The following SLC36A2 variants were observed in gnomAD, a reference collection of about 807,000 sequenced individuals.
SLC36A2 encodes the protein proton-coupled amino acid transporter 2.
In SLC36A2, 39 loss-of-function variants were observed where a neutral mutation model predicts 42.7. That is an observed-to-expected ratio of 0.91 (90% CI 0.71 to 1.19). The LOEUF is 1.19. Among genes scored for constraint, SLC36A2 ranks in the 50% most tolerant of loss-of-function variants. The probability of loss-of-function intolerance (pLI) is 0.00; values close to 1 mark genes in which losing one functional copy is unlikely to be tolerated. For missense variants in SLC36A2, 590 were observed against 613.7 expected (o/e 0.96, Z 0.41); for synonymous variants, 237 against 240.8 (o/e 0.98, Z 0.15).
chr5:151,321,651 T>C (rs1340564148), intron 9 of SLC36A2, among the ~76,000 whole-genome samples: 2 of 151,646 alleles, frequency 1.3e-5, no homozygotes, highest in Non-Finnish European at 1.5e-5. Flanking sequence ...ATGCTGATTG[T>C]CATGACTGCC....
intron 5 of SLC36A2, among the ~76,000 whole-genome samples, chr5:151,335,942 C>T (rs941655360): frequency 6.6e-6 from 1 of 151,312 alleles, no homozygotes; most frequent in Non-Finnish European, 1.5e-5. Context: ...GCACAAGAAT[C>T]GCTTGAGCCA....
chr5:151,334,542 T>C (rs1240191675), intron 6 of SLC36A2, among the ~76,000 whole-genome samples: 2 of 151,956 alleles, frequency 1.3e-5, no homozygotes, highest in Non-Finnish European at 2.9e-5. Context: ...AATACAAAAA[T>C]TAGCCGGGTG....
At chr5:151,345,512 C>G (rs926207934) in intron 1 of SLC36A2, among the ~76,000 whole-genome samples, 1 of 152,118 alleles carries the variant, frequency 6.6e-6, no homozygotes, top group African/African-American at 2.4e-5. Flanking sequence ...TCCTGAGTCT[C>G]TGTACATAGA....
intron 7 of SLC36A2, among the ~76,000 whole-genome samples, chr5:151,332,073 G>C (rs559851940): frequency 1.8e-4 from 27 of 152,140 alleles, no homozygotes; most frequent in African/African-American, 5.5e-4. Context: ...CACTATGTTA[G>C]CCAGACTGGT....
chr5:151,319,190 A>G, intron 9 of SLC36A2: 1 of 923,050 alleles, frequency 1.1e-6, no homozygotes, highest in Non-Finnish European at 1.3e-6. Context: ...CTATTACTCC[A>G]AGTTATTTAC....
chr5:151,315,722 T>A lies in SLC36A2; in HGVS notation c.*1095A>T, dbSNP rs1212892172. On this transcript the variant is annotated 3_prime_UTR_variant, in exon 10 of 10. Transcript: ENST00000335244. ...TCTTTTCATAGGAGCAGGTGCAAAG[T>A]CACATTATCACGAGGAATTTATGGT... 1 of 152,154 alleles carries A rather than the reference T, an allele frequency of 6.6e-6. No individual in the cohort carries two copies. Among genetic ancestry groups the A allele is most frequent in the East Asian group, 1.9e-4 (1 of 5,198 alleles). 9.4% of individuals were successfully genotyped at this position (152,154 alleles called of 1,614,324 possible).
intron 7 of SLC36A2, among the ~76,000 whole-genome samples, chr5:151,329,751 C>T (rs1385334362): frequency 6.6e-6 from 1 of 152,092 alleles, no homozygotes; most frequent in African/African-American, 2.4e-5. Flanking sequence ...ATCTGAACAA[C>T]AAAGAGCAAA....
At chr5:151,334,886 A>G (rs1756102859) in intron 6 of SLC36A2, among the ~76,000 whole-genome samples, 1 of 152,192 alleles carries the variant, frequency 6.6e-6, no homozygotes, top group Non-Finnish European at 1.5e-5. Flanking sequence ...GAGACTCTCT[A>G]TGTATATCTC....
chr5:151,339,201 A>G (rs1756248529), intron 4 of SLC36A2, 57 bp from the exon 5 acceptor site: 2 of 1,395,798 alleles, frequency 1.4e-6, no homozygotes, highest in Non-Finnish European at 2.0e-6. Flanking sequence ...TCAACTTGTC[A>G]GTTCCATTTC....
chr5:151,321,341 C>G (rs1050246535), intron 9 of SLC36A2, among the ~76,000 whole-genome samples: 2 of 94,566 alleles, frequency 2.1e-5, no homozygotes, highest in African/African-American at 8.6e-5. Flanking sequence ...ATTTTCTTTT[C>G]TTTCTTTTTT....
intron 3 of SLC36A2, 67 bp from the exon 4 acceptor site, chr5:151,343,050 C>G: frequency 7.8e-7 from 1 of 1,277,536 alleles, no homozygotes; most frequent in South Asian, 1.2e-5. Context: ...GGTCAAAAGT[C>G]AGGAGACACA....
intron 4 of SLC36A2, among the ~76,000 whole-genome samples, chr5:151,340,169 A>AGG (rs1223243197): frequency 4.5e-5 from 4 of 87,976 alleles, no homozygotes; most frequent in Non-Finnish European, 7.8e-5. Context: ...GAAGAAGAGG[A>AGG]AGGAGGAGGA....
At chr5:151,343,642 T>C in intron 2 of SLC36A2, 44 bp from the exon 3 acceptor site, 1 of 1,550,424 alleles carries the variant, frequency 6.4e-7, no homozygotes, top group Non-Finnish European at 8.9e-7. Flanking sequence ...GAGAAGAGAA[T>C]GCATTTATGA....
At chr5:151,346,252 G>A (rs1050894065) in intron 1 of SLC36A2, among the ~76,000 whole-genome samples, 1 of 152,122 alleles carries the variant, frequency 6.6e-6, no homozygotes, top group Admixed American at 6.5e-5. Context: ...CACTCTCAGG[G>A]TCACTAATAC....
rs771771407 is a variant in SLC36A2 at position 151,343,503 on chromosome 5, T to C, written c.344+7A>G. ...AGGAATTGACACAAGGAGGCTGTTT[T>C]CCTCACCTCTTACAGAAGCGCTGGG... On this transcript the variant is annotated splice_region_variant and intron_variant, in intron 3 of 9. Transcript: ENST00000335244. The C allele has an allele frequency of 3.7e-6, 6 of 1,614,116 alleles. 1 individual carries two copies. Among genetic ancestry groups the C allele is most frequent in the Non-Finnish European group, 2.5e-6 (3 of 1,179,938 alleles).
Position 151,322,058 on chromosome 5 carries a change from C to T in SLC36A2, c.1168G>A (p.Val390Ile). 1 of 1,614,220 alleles carries T rather than the reference C, an allele frequency of 6.2e-7. No individual in the cohort carries two copies. The highest frequency in any genetic ancestry group is 8.5e-7 in the Non-Finnish European group (1 of 1,180,034). Residue 390 changes from valine (V) to isoleucine (I), a missense_variant, in exon 9 of 10, where the codon GTC (valine) becomes ATC (isoleucine). By Grantham distance (29) the Val-to-Ile change is conservative (BLOSUM62 3). Transcript: ENST00000335244. Reference sequence around the variant, plus strand: ...CCTTTCTACTCACATGTCAGGCAGACCATGACGAGGCGAATGGACAGATCC... The same window carrying T: ...CCTTTCTACTCACATGTCAGGCAGATCATGACGAGGCGAATGGACAGATCC... The part of the protein sequence containing the change: ...PLDLSIRLVM[V>I]CLTCLLAILI...
chr5:151,345,158 C>T (rs984640865), intron 1 of SLC36A2, among the ~76,000 whole-genome samples: 4 of 152,314 alleles, frequency 2.6e-5, no homozygotes, highest in Non-Finnish European at 4.4e-5. Context: ...TATTTCTACA[C>T]GTTTTTGTAC....
chr5:151,318,047 C>T (rs868830137), intron 9 of SLC36A2, among the ~76,000 whole-genome samples: 1 of 152,174 alleles, frequency 6.6e-6, no homozygotes, highest in African/African-American at 2.4e-5. Context: ...CATGATAATG[C>T]TAAGTCTCTT....
chr5:151,340,173 A>G (rs13359826), intron 4 of SLC36A2, among the ~76,000 whole-genome samples: 2 of 53,878 alleles, frequency 3.7e-5, no homozygotes, highest in African/African-American at 4.4e-4. Flanking sequence ...AAGAGGAAGG[A>G]GGAGGAGGAG....
Sources: gnomAD v4.1 joint callset for allele counts (sites outside exome capture counted in the v4.1 genomes callset) on GRCh38, gnomAD v4.1.1 for gene constraint, MANE v1.5 for transcripts, NCBI Gene and HGNC (gene_info 2026-07-23, HGNC 2026-07-21) for gene names.